TMEM17: variants seen among roughly 807,000 people sequenced by gnomAD.
TMEM17 encodes transmembrane protein 17.
In TMEM17, 15 loss-of-function variants were observed where a neutral mutation model predicts 19.1. The observed-to-expected ratio is 0.78, with a 90% CI of 0.52 to 1.21. The LOEUF (loss-of-function observed/expected upper bound fraction) is 1.21, where lower values mean the gene tolerates loss of function less well. Ranked by LOEUF, TMEM17 falls within the 50% of genes most tolerant of loss-of-function variation. TMEM17 has a pLI of 0.00. For missense variants in TMEM17, 245 were observed against 242.3 expected, an observed-to-expected ratio of 1.01 and a Z score of -0.07; for synonymous variants, 103 against 86.9, an observed-to-expected ratio of 1.19 and a Z score of -1.03.
the TMEM17 span, chr2:62,491,313 G>A: frequency 6.6e-6 from 1 of 151,982 alleles, no homozygotes; most frequent in South Asian, 2.1e-4. Flanking sequence ...GCATCAATAT[G>A]TTGACCTTCT....
At position 62,506,057 on chromosome 2, in the gene TMEM17, T is replaced by C. The variant is rs775948592; in HGVS notation, c.73A>G (p.Thr25Ala). 2.5e-6 allele frequency: 4 copies of C among 1,610,860 alleles called. No homozygotes were observed. The highest frequency in any genetic ancestry group is 3.4e-6 in the Non-Finnish European group (4 of 1,178,806). Residue 25 changes from threonine (T) to alanine (A), a missense_variant, in exon 1 of 4, where the codon ACC becomes GCC. Coordinates refer to ENST00000335390, the MANE Select transcript of TMEM17 (RefSeq NM_198276.3). ...GGACCCTCATTGGACTCTGGACCGG[T>C]CCGATTGGAATCACTGAACACGGCC... ...SRAVFSDSNR[T>A]GPESNEGPEN...
At chr2:62,472,248 A>C in the TMEM17 span, among the ~76,000 whole-genome samples, 1 of 152,216 alleles carries the variant, frequency 6.6e-6, no homozygotes, top group Non-Finnish European at 1.5e-5. Flanking sequence ...GAAATGTGAG[A>C]GGGACACAAG....
the TMEM17 span, among the ~76,000 whole-genome samples, chr2:62,470,151 CT>C: frequency 6.6e-6 from 1 of 152,212 alleles, no homozygotes; most frequent in Non-Finnish European, 1.5e-5. Flanking sequence ...CTTGATTAGT[CT>C]GCTTCCTCCA....
At chr2:62,505,244 A>AGT (rs1286540030) in intron 1 of TMEM17, among the ~76,000 whole-genome samples, 2 of 152,176 alleles carry the variant, frequency 1.3e-5, no homozygotes, top group African/African-American at 4.8e-5. Flanking sequence ...TGTGTTGTCT[A>AGT]CCATCATGAT....
At chr2:62,491,319 CT>C in the TMEM17 span, 1 of 152,132 alleles carries the variant, frequency 6.6e-6, no homozygotes, top group Non-Finnish European at 1.5e-5. Flanking sequence ...ATATGTTGAC[CT>C]TCTGGGAGTG....
At chr2:62,481,059 G>A in the TMEM17 span, among the ~76,000 whole-genome samples, 1 of 152,232 alleles carries the variant, frequency 6.6e-6, no homozygotes, top group South Asian at 2.1e-4. Flanking sequence ...CCGTGATCAT[G>A]AGATGTCTTT....
the TMEM17 span, among the ~76,000 whole-genome samples, chr2:62,493,437 A>G: frequency 6.6e-6 from 1 of 152,178 alleles, no homozygotes; most frequent in Non-Finnish European, 1.5e-5. Context: ...AGTTGAGGAG[A>G]CATTACTACA....
chr2:62,497,271 T>C (rs190719359), downstream of TMEM17, among the ~76,000 whole-genome samples: 2 of 152,336 alleles, frequency 1.3e-5, no homozygotes, highest in East Asian at 1.9e-4. Flanking sequence ...TTCAAAGAGA[T>C]CTTTCTGAAA....
At chr2:62,486,493 T>G in the TMEM17 span, among the ~76,000 whole-genome samples, 1 of 152,174 alleles carries the variant, frequency 6.6e-6, no homozygotes, top group Non-Finnish European at 1.5e-5. Context: ...AAGAATAGAA[T>G]AAGAATGAAG....
chr2:62,472,857 T>C, the TMEM17 span, among the ~76,000 whole-genome samples: 1 of 152,156 alleles, frequency 6.6e-6, no homozygotes, highest in Non-Finnish European at 1.5e-5. Context: ...ATCAACACAT[T>C]CAAAACAATT....
the TMEM17 span, among the ~76,000 whole-genome samples, chr2:62,490,566 T>C: frequency 1.3e-5 from 2 of 152,176 alleles, no homozygotes; most frequent in South Asian, 4.1e-4. Context: ...CTGATATCTT[T>C]TAAAACCTTA....
At chr2:62,504,043 T>A (rs1680001286) in intron 1 of TMEM17, among the ~76,000 whole-genome samples, 2 of 152,236 alleles carry the variant, frequency 1.3e-5, no homozygotes, top group South Asian at 4.1e-4. Flanking sequence ...ACACGTAAGA[T>A]TTTAAAGGCT....
At chr2:62,467,493 A>C in the TMEM17 span, among the ~76,000 whole-genome samples, 1 of 152,198 alleles carries the variant, frequency 6.6e-6, no homozygotes, top group African/African-American at 2.4e-5. Context: ...ACTTCTGGGA[A>C]AGTTCACCCA....
chr2:62,476,882 G>T, the TMEM17 span, among the ~76,000 whole-genome samples: 1 of 152,194 alleles, frequency 6.6e-6, no homozygotes, highest in African/African-American at 2.4e-5. Flanking sequence ...GGCATTTATT[G>T]GGGTTACAGA....
At chr2:62,505,941 T>C in intron 1 of TMEM17, 89 bp downstream of exon 1, 1 of 1,259,752 alleles carries the variant, frequency 7.9e-7, no homozygotes, top group South Asian at 1.3e-5. Flanking sequence ...GACATCGCCA[T>C]TTTAGGTACG....
chr2:62,490,490 T>C, the TMEM17 span, among the ~76,000 whole-genome samples: 1 of 152,112 alleles, frequency 6.6e-6, no homozygotes, highest in East Asian at 1.9e-4. Context: ...CTCTAACTCC[T>C]GAAGTCAGGA....
chr2:62,472,920 C>G, the TMEM17 span, among the ~76,000 whole-genome samples: 1 of 152,198 alleles, frequency 6.6e-6, no homozygotes, highest in African/African-American at 2.4e-5. Flanking sequence ...TAGAGCTCAG[C>G]CGTGGCTGGC....
chr2:62,490,486 C>T, the TMEM17 span, among the ~76,000 whole-genome samples: 1 of 152,230 alleles, frequency 6.6e-6, no homozygotes, highest in Non-Finnish European at 1.5e-5. Flanking sequence ...TGGTCTCTAA[C>T]TCCTGAAGTC....
At chr2:62,498,454 C>T (rs533917880), downstream of TMEM17, among the ~76,000 whole-genome samples, 34 of 150,550 alleles carry the variant, frequency 2.3e-4, 2 homozygotes, top group Admixed American at 1.3e-3. Context: ...CGGTGGCTCA[C>T]GCCTGTAATC....
Sources: allele counts gnomAD v4.1 joint callset (sites outside exome capture counted in the v4.1 genomes callset), GRCh38; gene constraint gnomAD v4.1.1; transcripts MANE v1.5; gene names NCBI Gene and HGNC (gene_info 2026-07-23, HGNC 2026-07-21).